CAPN13: variants seen among roughly 807,000 people sequenced by gnomAD.
CAPN13 encodes calpain 13.
CAPN13 carries 90 observed loss-of-function variants against 98.4 expected under a neutral mutation model. The observed-to-expected ratio is 0.92, with a 90% CI of 0.77 to 1.09. The LOEUF (loss-of-function observed/expected upper bound fraction) is 1.09, where lower values mean the gene tolerates loss of function less well. CAPN13 is among the 50% of genes least tolerant of loss of function. The probability of loss-of-function intolerance (pLI) is 0.00; values close to 1 mark genes in which losing one functional copy is unlikely to be tolerated. For synonymous variants in CAPN13, 330 were observed against 305.5 expected (o/e 1.08, Z -0.84); for missense variants, 887 against 841.3 (o/e 1.05, Z -0.67).
intron 22 of CAPN13, among the ~76,000 whole-genome samples, chr2:30,727,405 A>G (rs1670894022): frequency 6.6e-6 from 1 of 152,228 alleles, no homozygotes; most frequent in Admixed American, 6.5e-5. Flanking sequence ...AAAATTTTGC[A>G]AATCACATAT....
rs113799528 is a variant in CAPN13 at position 30,787,308 on chromosome 2, C to G, written c.18G>C (p.Glu6Asp). The G allele has an allele frequency of 1.2e-6, 2 of 1,612,600 alleles. No individual in the cohort carries two copies. Among genetic ancestry groups the G allele is most frequent in the Non-Finnish European group, 8.5e-7 (1 of 1,179,486 alleles). MAYYQ[E>D]PSVETSIIKF... ...TGATGATGGAGGTCTCCACTGAAGG[C>G]TCCTGGTAATACGCCATGACTCTCC... Residue 6 changes from glutamate (E) to aspartate (D), a missense_variant, in exon 2 of 23, where the codon GAG becomes GAC. Transcript: ENST00000295055.
chr2:30,764,068 C>T, intron 6 of CAPN13, 64 bp downstream of exon 6: 1 of 1,484,632 alleles, frequency 6.7e-7, no homozygotes, highest in Non-Finnish European at 9.1e-7. Flanking sequence ...GAATGGACCC[C>T]TGGCTGAGCA....
chr2:30,757,966 G>A, intron 8 of CAPN13, 80 bp downstream of exon 8: 1 of 1,057,068 alleles, frequency 9.5e-7, no homozygotes. Flanking sequence ...TGGCTAGATA[G>A]CCCCTGCTCT....
At chr2:30,745,701 C>A in intron 12 of CAPN13, 22 bp downstream of exon 12, 1 of 1,596,524 alleles carries the variant, frequency 6.3e-7, no homozygotes, top group Non-Finnish European at 8.5e-7. Context: ...AGGCGCAGGG[C>A]AAGGACGACG....
At chr2:30,743,334 T>C in intron 13 of CAPN13, 49 bp downstream of exon 13, 1 of 1,517,998 alleles carries the variant, frequency 6.6e-7, no homozygotes. Flanking sequence ...AATGTGTTTT[T>C]ATAAAGTTAA....
In CAPN13 at chr2:30,770,462, C is replaced by G. The variant is rs17010238; in HGVS notation, c.388-13G>C. On this transcript the variant is annotated splice_polypyrimidine_tract_variant and intron_variant, in intron 4 of 22. Coordinates refer to ENST00000295055, the MANE Select transcript of CAPN13 (RefSeq NM_144575.3). ...CACATTGCCAGAACTGGAAGAGAGC[C>G]AAGCATATGCTTTGACAGAGTTGAG... is the stretch of plus-strand genomic sequence containing the variant. 19,826 of 1,612,722 alleles carry G rather than the reference C, an allele frequency of 0.012. 633 individuals are homozygous for G. Among genetic ancestry groups the G allele is most frequent in the African/African-American group, 0.12 (9,056 of 75,006 alleles).
chr2:30,772,332 G>A (rs1673452011), intron 4 of CAPN13, among the ~76,000 whole-genome samples: 1 of 152,216 alleles, frequency 6.6e-6, no homozygotes. Flanking sequence ...AGCATCTGAG[G>A]TGACCTGGGC....
At position 30,743,581 on chromosome 2, in the gene CAPN13, T is replaced by C; in HGVS notation, c.1249-2A>G. ...GGGTGGAAATTTCTCCCGGAACCGC[T>C]GGAATTAGAGGAAACACAATGATTG... On this transcript the variant is annotated splice_acceptor_variant, in intron 12 of 22. Coordinates refer to ENST00000295055, the MANE Select transcript of CAPN13 (RefSeq NM_144575.3). LOFTEE classifies it high-confidence loss of function. The C allele has an allele frequency of 6.2e-7, 1 of 1,613,880 alleles. No homozygotes were observed.
Position 30,743,548 on chromosome 2 carries a change from A to G in CAPN13, c.1280T>C (p.Phe427Ser). ...TTGGACAGTGTTTCTGAACGAGGAA[A>G]AAAACACGGGTGGAAATTTCTCCCG... ...RFREKFPPVF[F>S]SSFRNTVQSS... is the part of the protein sequence containing the mutation. Residue 427 changes from phenylalanine to serine, a missense_variant, in exon 13 of 23, where the codon TTT becomes TCT. Coordinates refer to ENST00000295055, the MANE Select transcript of CAPN13 (RefSeq NM_144575.3). 1.2e-6 allele frequency: 2 copies of G among 1,614,022 alleles called. No homozygotes were observed. Among genetic ancestry groups the G allele is most frequent in the Middle Eastern group, 1.6e-4 (1 of 6,062 alleles).
chr2:30,736,644 A>G, intron 17 of CAPN13, 73 bp from the exon 18 acceptor site: 1 of 1,385,780 alleles, frequency 7.2e-7, no homozygotes, highest in South Asian at 1.2e-5. Flanking sequence ...CAACAAAGCC[A>G]GAGCAGGCCC....
chr2:30,767,635 C>T (rs950498688), intron 5 of CAPN13, among the ~76,000 whole-genome samples: 3 of 152,202 alleles, frequency 2.0e-5, no homozygotes, highest in Non-Finnish European at 4.4e-5. Flanking sequence ...TGGATTGGTT[C>T]AACAACCTTG....
chr2:30,759,065 TCCCTCCTCCCTC>T (rs776363445), intron 7 of CAPN13, among the ~76,000 whole-genome samples: 1,940 of 14,168 alleles, frequency 0.14, 63 homozygotes, highest in East Asian at 0.27. Flanking sequence ...CCTCCCTCCC[TCCCTCCTCCCTC>T]CCTTCCTCTC....
In CAPN13 at chr2:30,764,236, C is replaced by T. The variant is rs536128767; in HGVS notation, c.595G>A (p.Val199Met). 55 of 1,613,414 alleles carry T rather than the reference C, an allele frequency of 3.4e-5. No individual in the cohort carries two copies. Among genetic ancestry groups the T allele is most frequent in the South Asian group, 2.8e-4 (25 of 90,790 alleles). Residue 199 changes from valine to methionine, a missense_variant, in exon 6 of 23, where the codon GTG becomes ATG. By Grantham distance (21) the Val-to-Met change is conservative (BLOSUM62 1). Transcript: ENST00000295055. ...GAGTGCAGATGGATGTTGGTGATCACGCCTCCTGTGAGGTCCACCAGGGCA... is the reference window on the plus strand; with the variant it reads ...GAGTGCAGATGGATGTTGGTGATCATGCCTCCTGTGAGGTCCACCAGGGCA... ...EDALVDLTGG[V>M]ITNIHLHSSP...
intron 1 of CAPN13, among the ~76,000 whole-genome samples, chr2:30,803,135 T>C (rs1252639160): frequency 6.6e-6 from 1 of 152,198 alleles, no homozygotes; most frequent in East Asian, 1.9e-4. Flanking sequence ...ATGGTATATG[T>C]AGTTCAGCTG....
At chr2:30,738,034 G>T (rs886064509) in intron 17 of CAPN13, 30 of 637,094 alleles carry the variant, frequency 4.7e-5, no homozygotes, top group Non-Finnish European at 7.8e-5. Context: ...CACATAGTAG[G>T]TGCTTGATAG....
chr2:30,799,910 A>C (rs1314476293), intron 1 of CAPN13, among the ~76,000 whole-genome samples: 3 of 151,954 alleles, frequency 2.0e-5, no homozygotes, highest in Non-Finnish European at 2.9e-5. Context: ...CGTCTCTACT[A>C]AAAATACAAA....
intron 1 of CAPN13, among the ~76,000 whole-genome samples, chr2:30,805,991 G>A (rs893541504): frequency 1.3e-5 from 2 of 151,954 alleles, no homozygotes; most frequent in Non-Finnish European, 2.9e-5. Flanking sequence ...TGTTGCCCAG[G>A]CTGGTCTTGA....
intron 7 of CAPN13, among the ~76,000 whole-genome samples, chr2:30,759,048 TTCCTTCCC>T (rs1195805026): frequency 1.6e-4 from 3 of 18,998 alleles, no homozygotes; most frequent in African/African-American, 7.5e-4. Context: ...CCCTCCTTCC[TTCCTTCCC>T]TCCCTCCCTC....
At chr2:30,800,242 C>T (rs570837344) in intron 1 of CAPN13, among the ~76,000 whole-genome samples, 61 of 152,086 alleles carry the variant, frequency 4.0e-4, no homozygotes, top group Middle Eastern at 6.9e-3. Flanking sequence ...CAGAATAGAC[C>T]TCTCTATTGC....
Sources: gnomAD v4.1 joint callset for allele counts (sites outside exome capture counted in the v4.1 genomes callset) on GRCh38, gnomAD v4.1.1 for gene constraint, MANE v1.5 for transcripts, NCBI Gene and HGNC (gene_info 2026-07-23, HGNC 2026-07-21) for gene names.